Variants in UGT1A8 observed in about 807,000 individuals in gnomAD.
The protein encoded by UGT1A8 is UDP-glucuronosyltransferase 1A8.
A neutral mutation model predicts 45.3 loss-of-function variants in UGT1A8; 39 were observed. The ratio of observed to expected loss-of-function variants is 0.86; its 90% CI spans 0.67 to 1.12. The LOEUF is 1.12. Ranked by LOEUF, UGT1A8 falls within the 50% of genes most tolerant of loss-of-function variation. UGT1A8 has a pLI of 0.00. For synonymous variants in UGT1A8, 275 were observed against 249.2 expected (o/e 1.10, Z -0.97); for missense variants, 719 against 664.9 (o/e 1.08, Z -0.90).
At chr2:233,641,199 A>G (rs2073443100) in intron 1 of UGT1A8, among the ~76,000 whole-genome samples, 1 of 152,060 alleles carries the variant, frequency 6.6e-6, no homozygotes, top group African/African-American at 2.4e-5. Flanking sequence ...TTCTCTAATA[A>G]ATCTGCCTTT....
chr2:233,760,196 A>G, intron 1 of UGT1A8: 1 of 1,576,328 alleles, frequency 6.3e-7, no homozygotes, highest in Middle Eastern at 2.3e-4. Flanking sequence ...CACGTGACAC[A>G]GTCAAACATT....
chr2:233,748,135 T>C (rs1220195478), intron 1 of UGT1A8: 2 of 1,609,160 alleles, frequency 1.2e-6, no homozygotes, highest in South Asian at 1.1e-5. Flanking sequence ...TTTTTAAAAA[T>C]TGTATTTACT....
At chr2:233,698,153 T>G (rs1447834523) in intron 1 of UGT1A8, among the ~76,000 whole-genome samples, 1 of 152,204 alleles carries the variant, frequency 6.6e-6, no homozygotes, top group Non-Finnish European at 1.5e-5. Context: ...ATTCCCAGCA[T>G]GTCGTCCTAG....
At chr2:233,679,176 AT>A (rs2074442925) in intron 1 of UGT1A8, among the ~76,000 whole-genome samples, 3 of 152,166 alleles carry the variant, frequency 2.0e-5, no homozygotes, top group Admixed American at 1.3e-4. Context: ...CACGTAGACC[AT>A]TTTGACACCT....
chr2:233,705,870 T>G (rs2075876544), intron 1 of UGT1A8, among the ~76,000 whole-genome samples: 1 of 152,102 alleles, frequency 6.6e-6, no homozygotes, highest in Non-Finnish European at 1.5e-5. Context: ...GGCAGATCAC[T>G]TGAGGCCAGG....
At chr2:233,681,272 G>A (rs1186319334) in intron 1 of UGT1A8, among the ~76,000 whole-genome samples, 5 of 152,136 alleles carry the variant, frequency 3.3e-5, no homozygotes, top group South Asian at 2.1e-4. Flanking sequence ...AGTGGCTCAC[G>A]CCTGTAATCC....
At chr2:233,705,110 T>A (rs896314646) in intron 1 of UGT1A8, among the ~76,000 whole-genome samples, 45 of 146,348 alleles carry the variant, frequency 3.1e-4, no homozygotes, top group African/African-American at 1.2e-3. Flanking sequence ...CACGCCAGCC[T>A]GGGGGACAAG....
chr2:233,639,653 A>G (rs2073395894), intron 1 of UGT1A8, among the ~76,000 whole-genome samples: 1 of 152,304 alleles, frequency 6.6e-6, no homozygotes, highest in East Asian at 1.9e-4. Flanking sequence ...GACCCTGCAC[A>G]GGGGATTTCT....
At chr2:233,737,829 G>A (rs1202229926) in intron 1 of UGT1A8, among the ~76,000 whole-genome samples, 2 of 151,976 alleles carry the variant, frequency 1.3e-5, no homozygotes, top group Admixed American at 6.6e-5. Context: ...AACAAATTGG[G>A]AACTGTGGCA....
At chr2:233,690,083 A>T (rs1370137162) in intron 1 of UGT1A8, among the ~76,000 whole-genome samples, 1 of 152,176 alleles carries the variant, frequency 6.6e-6, no homozygotes, top group Non-Finnish European at 1.5e-5. Flanking sequence ...TATCAAATAG[A>T]TTAAATTGCT....
At chr2:233,720,871 A>ACT (rs2076900634) in intron 1 of UGT1A8, among the ~76,000 whole-genome samples, 1 of 132,772 alleles carries the variant, frequency 7.5e-6, no homozygotes, top group Non-Finnish European at 1.6e-5. Context: ...GCTCCTGGCA[A>ACT]TTTTTTTTTT....
At chr2:233,764,234 G>A (rs1271610105) in intron 1 of UGT1A8, among the ~76,000 whole-genome samples, 2 of 152,142 alleles carry the variant, frequency 1.3e-5, no homozygotes, top group Non-Finnish European at 2.9e-5. Flanking sequence ...GTGGGGGATT[G>A]GAGTGTTATT....
chr2:233,650,176 G>T (rs1160277870), intron 1 of UGT1A8, among the ~76,000 whole-genome samples: 2 of 152,062 alleles, frequency 1.3e-5, no homozygotes, highest in East Asian at 3.9e-4. Flanking sequence ...CTCCATGTTG[G>T]TCAGGCTGGT....
At chr2:233,691,081 T>C in intron 1 of UGT1A8, 1 of 986,102 alleles carries the variant, frequency 1.0e-6, no homozygotes, top group East Asian at 1.1e-4. Context: ...GTGAAGTTTG[T>C]AGCATCTCTT....
At chr2:233,746,150 G>A (rs1029682140) in intron 1 of UGT1A8, among the ~76,000 whole-genome samples, 1 of 151,866 alleles carries the variant, frequency 6.6e-6, no homozygotes, top group African/African-American at 2.4e-5. Flanking sequence ...GTGATAGCAT[G>A]ATTCCAAAGC....
intron 1 of UGT1A8, chr2:233,717,836 C>G (rs2076610454): frequency 6.6e-6 from 3 of 455,170 alleles, no homozygotes; most frequent in Non-Finnish European, 1.3e-5. Flanking sequence ...TCTGGAGGAA[C>G]CATTCTTATC....
chr2:233,740,352 A>G (rs2125828871), intron 1 of UGT1A8, among the ~76,000 whole-genome samples: 1 of 152,070 alleles, frequency 6.6e-6, no homozygotes, highest in South Asian at 2.1e-4. Flanking sequence ...AGAAAGTGGA[A>G]TTAGAAATTC....
intron 1 of UGT1A8, chr2:233,693,707 G>T (rs199908505): frequency 6.2e-7 from 1 of 1,614,202 alleles, no homozygotes; most frequent in Non-Finnish European, 8.5e-7. Flanking sequence ...ACTCGCATCA[G>T]CTGTCCTCAA....
intron 1 of UGT1A8, chr2:233,713,115 C>T (rs2076279485): frequency 6.2e-7 from 1 of 1,614,098 alleles, no homozygotes; most frequent in African/African-American, 1.3e-5. Context: ...CAGCCACTGG[C>T]TCAGCATGCG....
Sources: gnomAD v4.1 joint callset for allele counts (sites outside exome capture counted in the v4.1 genomes callset) on GRCh38, gnomAD v4.1.1 for gene constraint, MANE v1.5 for transcripts, NCBI Gene and HGNC (gene_info 2026-07-23, HGNC 2026-07-21) for gene names.